C1QTNF3: variants seen among roughly 807,000 people sequenced by gnomAD.
The protein encoded by C1QTNF3 is complement C1q tumor necrosis factor-related protein 3.
A neutral mutation model predicts 32.6 loss-of-function variants in C1QTNF3; 26 were observed. That is an observed-to-expected ratio of 0.80 (90% confidence interval 0.58 to 1.11). The LOEUF (loss-of-function observed/expected upper bound fraction) is 1.11. Among genes scored for constraint, C1QTNF3 ranks in the 50% least tolerant of loss-of-function variants. C1QTNF3 has a pLI of 0.00. For synonymous variants in C1QTNF3, 155 were observed against 146.0 expected (o/e 1.06, Z -0.44); for missense variants, 362 against 398.2 (o/e 0.91, Z 0.77).
the C1QTNF3 span, among the ~76,000 whole-genome samples, chr5:34,197,925 G>A: frequency 6.6e-6 from 1 of 151,714 alleles, no homozygotes. Context: ...ACGCTTTTTG[G>A]GGTCTCTTTT....
At chr5:34,111,203 T>C in the C1QTNF3 span, among the ~76,000 whole-genome samples, 1 of 152,084 alleles carries the variant, frequency 6.6e-6, no homozygotes, top group Non-Finnish European at 1.5e-5. Context: ...GAATTCTTAA[T>C]GGACATTTTT....
the C1QTNF3 span, among the ~76,000 whole-genome samples, chr5:34,093,799 T>C: frequency 6.6e-6 from 1 of 152,278 alleles, no homozygotes; most frequent in Non-Finnish European, 1.5e-5. Flanking sequence ...AAACCAATCA[T>C]CACACACTCT....
chr5:34,194,948 A>G, the C1QTNF3 span, among the ~76,000 whole-genome samples: 7 of 149,306 alleles, frequency 4.7e-5, no homozygotes, highest in African/African-American at 7.6e-5. Context: ...AAGTCTTTAC[A>G]TGTTCAGTAC....
the C1QTNF3 span, among the ~76,000 whole-genome samples, chr5:34,134,445 C>T: frequency 8.5e-5 from 13 of 152,092 alleles, no homozygotes; most frequent in South Asian, 2.1e-4. Flanking sequence ...TCTACACCAA[C>T]GTTCTGTTAA....
intron 1 of C1QTNF3, among the ~76,000 whole-genome samples, chr5:34,038,766 T>C (rs1754801685): frequency 6.6e-6 from 1 of 152,084 alleles, no homozygotes. Flanking sequence ...TAAGACAACC[T>C]CTGTTCACAG....
the C1QTNF3 span, among the ~76,000 whole-genome samples, chr5:34,188,668 T>C: frequency 6.6e-6 from 1 of 151,552 alleles, no homozygotes; most frequent in South Asian, 2.1e-4. Flanking sequence ...TATCCCTGTG[T>C]ATCTAGAAAA....
chr5:34,215,026 C>T, the C1QTNF3 span, among the ~76,000 whole-genome samples: 1 of 152,150 alleles, frequency 6.6e-6, no homozygotes, highest in Non-Finnish European at 1.5e-5. Flanking sequence ...CTCATTTTAT[C>T]TCTGAAGAGA....
chr5:34,055,995 A>T, the C1QTNF3 span, among the ~76,000 whole-genome samples: 1 of 152,120 alleles, frequency 6.6e-6, no homozygotes, highest in Admixed American at 6.5e-5. Flanking sequence ...AATCTACTTT[A>T]AGATGCATCA....
the C1QTNF3 span, among the ~76,000 whole-genome samples, chr5:34,194,521 G>A: frequency 5.0e-4 from 75 of 150,470 alleles, no homozygotes; most frequent in African/African-American, 1.9e-3. Context: ...AGAGTCCCAT[G>A]TAATAAAGGA....
chr5:34,195,495 A>T, the C1QTNF3 span, among the ~76,000 whole-genome samples: 1 of 151,820 alleles, frequency 6.6e-6, no homozygotes, highest in African/African-American at 2.4e-5. Flanking sequence ...AACAAGTGTA[A>T]TATATCAGCC....
the C1QTNF3 span, among the ~76,000 whole-genome samples, chr5:34,056,430 GT>G: frequency 1.6e-4 from 1 of 6,198 alleles, no homozygotes; most frequent in Non-Finnish European, 6.7e-4. Context: ...ATGTGTGTGT[GT>G]GTGTGTGTGT....
At chr5:34,165,624 T>A in the C1QTNF3 span, 3 of 152,084 alleles carry the variant, frequency 2.0e-5, no homozygotes, top group Admixed American at 6.6e-5. Context: ...TATTTTTAAA[T>A]GAAGAAGTCT....
chr5:34,028,143 T>C (rs1016052710), intron 4 of C1QTNF3, among the ~76,000 whole-genome samples: 3 of 152,190 alleles, frequency 2.0e-5, no homozygotes, highest in Non-Finnish European at 4.4e-5. Context: ...CGGCTAATAT[T>C]TTGTATTTTT....
At chr5:34,186,884 A>C in the C1QTNF3 span, among the ~76,000 whole-genome samples, 1 of 152,296 alleles carries the variant, frequency 6.6e-6, no homozygotes, top group Admixed American at 6.5e-5. Context: ...CCAGATATTA[A>C]GGTACTTCAT....
the C1QTNF3 span, among the ~76,000 whole-genome samples, chr5:34,080,975 C>T: frequency 1.3e-5 from 2 of 151,672 alleles, no homozygotes; most frequent in African/African-American, 4.9e-5. Flanking sequence ...GTGAATGAAA[C>T]CTTTCTCTAG....
At chr5:34,185,751 C>CT in the C1QTNF3 span, among the ~76,000 whole-genome samples, 263 of 150,336 alleles carry the variant, frequency 1.7e-3, no homozygotes, top group African/African-American at 6.5e-3. Context: ...GCTGTGAGTA[C>CT]TGATTTGGGG....
chr5:34,042,520 A>G (rs1754893948), intron 1 of C1QTNF3, among the ~76,000 whole-genome samples: 1 of 152,200 alleles, frequency 6.6e-6, no homozygotes, highest in Middle Eastern at 3.2e-3. Flanking sequence ...CCAACAGAGC[A>G]AGAAGGAAAT....
At chr5:34,037,383 T>C (rs916250014) in intron 1 of C1QTNF3, among the ~76,000 whole-genome samples, 1 of 152,186 alleles carries the variant, frequency 6.6e-6, no homozygotes, top group Non-Finnish European at 1.5e-5. Context: ...AAAATTCAAG[T>C]TGTATTTGTC....
chr5:34,030,575 A>G (rs1256287358), intron 3 of C1QTNF3, among the ~76,000 whole-genome samples: 1 of 152,244 alleles, frequency 6.6e-6, no homozygotes, highest in Non-Finnish European at 1.5e-5. Context: ...ACAGGGTTGA[A>G]GTTCAAAATA....
Sources: allele counts gnomAD v4.1 joint callset (sites outside exome capture counted in the v4.1 genomes callset), GRCh38; gene constraint gnomAD v4.1.1; transcripts MANE v1.5; gene names NCBI Gene and HGNC (gene_info 2026-07-23, HGNC 2026-07-21).